PINX1: variants seen among roughly 807,000 people sequenced by gnomAD.
PINX1 encodes the protein PIN2 (TERF1) interacting telomerase inhibitor 1, also known as PIN2/TERF1-interacting telomerase inhibitor 1.
Under a neutral mutation model 25.4 loss-of-function variants are expected in PINX1, and 34 were observed. The observed-to-expected ratio is 1.34, with a 90% CI of 1.02 to 1.78. The LOEUF (loss-of-function observed/expected upper bound fraction) is 1.78. Among genes scored for constraint, PINX1 ranks in the 40% most tolerant of loss-of-function variants. PINX1 has a pLI of 0.00. For synonymous variants in PINX1, 197 were observed against 147.7 expected (o/e 1.33, Z -2.42); for missense variants, 592 against 404.9 (o/e 1.46, Z -3.97).
intron 6 of PINX1, among the ~76,000 whole-genome samples, chr8:10,796,112 G>C (rs148698655): frequency 6.6e-6 from 1 of 152,124 alleles, no homozygotes; most frequent in South Asian, 2.1e-4. Flanking sequence ...TAACGGGATG[G>C]GAGATTCTGA....
intron 6 of PINX1, among the ~76,000 whole-genome samples, chr8:10,805,021 C>A (rs1024060288): frequency 1.3e-5 from 2 of 151,842 alleles, no homozygotes; most frequent in Non-Finnish European, 2.9e-5. Flanking sequence ...TCAGCTCATT[C>A]CTCTTTTCTC....
Position 10,765,278 on chromosome 8 carries a change from G to C in PINX1, c.*123C>G. The C allele has an allele frequency of 1.1e-6, 1 of 872,620 alleles. No homozygotes were observed. Among genetic ancestry groups the C allele is most frequent in the Non-Finnish European group, 1.7e-6 (1 of 587,966 alleles). The allele number at this position is 872,620 out of a possible 1,614,324, so 54.1% of individuals were successfully genotyped here. On this transcript the variant is annotated 3_prime_UTR_variant, in exon 7 of 7. Coordinates refer to ENST00000314787, the MANE Select transcript of PINX1 (RefSeq NM_017884.6). ...GAGAGGGCAGGACTCGGCAGCCCAT[G>C]GGCATGCCACAAGATGCGCCCAGGC...
intron 6 of PINX1, among the ~76,000 whole-genome samples, chr8:10,801,447 C>G (rs1046361180): frequency 6.6e-6 from 1 of 152,210 alleles, no homozygotes; most frequent in Non-Finnish European, 1.5e-5. Context: ...ATCCACATTT[C>G]CCAAGTGAGG....
chr8:10,799,043 C>G (rs962746539), intron 6 of PINX1, among the ~76,000 whole-genome samples: 6 of 152,096 alleles, frequency 3.9e-5, no homozygotes, highest in Admixed American at 6.5e-5. Context: ...AGGTAAGAAC[C>G]CTTCCTACTT....
chr8:10,766,147 G>A (rs945480445), intron 6 of PINX1, among the ~76,000 whole-genome samples: 15 of 152,124 alleles, frequency 9.9e-5, no homozygotes, highest in Admixed American at 7.2e-4. Flanking sequence ...CACACACTCC[G>A]GCTGGGTACC....
At chr8:10,815,188 C>T (rs541952143) in intron 6 of PINX1, among the ~76,000 whole-genome samples, 7 of 152,278 alleles carry the variant, frequency 4.6e-5, no homozygotes, top group Non-Finnish European at 8.8e-5. Flanking sequence ...GCAATCCTCC[C>T]GCCTCGGCCT....
chr8:10,783,771 G>T (rs566550939), intron 6 of PINX1, among the ~76,000 whole-genome samples: 2 of 152,174 alleles, frequency 1.3e-5, no homozygotes, highest in African/African-American at 2.4e-5. Context: ...GGAAGAAAAT[G>T]ATTAAAGTAC....
intron 4 of PINX1, among the ~76,000 whole-genome samples, chr8:10,827,768 G>A (rs909455107): frequency 2.2e-4 from 34 of 151,568 alleles, no homozygotes; most frequent in African/African-American, 4.4e-4. Context: ...AAAATTAGCC[G>A]GGCGTGGTGG....
In PINX1 at chr8:10,839,651, G is replaced by A. The variant is rs548127496; in HGVS notation, c.19+87C>T. 244 of 1,397,536 alleles carry A rather than the reference G, an allele frequency of 1.7e-4. 2 individuals are homozygous for A. In the African/African-American group the frequency reaches 3.0e-3, roughly 17 times the overall value. 86.6% of individuals were successfully genotyped at this position (1,397,536 alleles called of 1,614,324 possible). ...CATGCGCCAGGCGCGCCGGCAACCC[G>A]AGCTCCCAGCCACTCCGGGCTGCCG... On this transcript the variant is annotated intron_variant, in intron 1 of 6. Coordinates refer to ENST00000314787, the MANE Select transcript of PINX1 (RefSeq NM_017884.6).
chr8:10,823,483 AG>A (rs1797938768), intron 5 of PINX1, among the ~76,000 whole-genome samples: 1 of 152,130 alleles, frequency 6.6e-6, no homozygotes, highest in East Asian at 1.9e-4. Flanking sequence ...TCCCCTCTGC[AG>A]ATATAGCCTC....
intron 6 of PINX1, among the ~76,000 whole-genome samples, chr8:10,779,301 A>T (rs56023918): frequency 0.16 from 24,131 of 152,258 alleles, 2,414 homozygotes; most frequent in Non-Finnish European, 0.23. Flanking sequence ...TAAATGTATA[A>T]AATAACGAAG....
chr8:10,808,829 C>G (rs918269853), intron 6 of PINX1, among the ~76,000 whole-genome samples: 1 of 152,186 alleles, frequency 6.6e-6, no homozygotes, highest in African/African-American at 2.4e-5. Context: ...TTTCTCATAT[C>G]TAAACTCCTA....
chr8:10,815,445 C>T (rs1797668785), intron 6 of PINX1, among the ~76,000 whole-genome samples: 1 of 152,186 alleles, frequency 6.6e-6, no homozygotes, highest in Non-Finnish European at 1.5e-5. Context: ...CACTACACAA[C>T]ACAAAGTTCA....
At chr8:10,827,766 C>G (rs929453002) in intron 4 of PINX1, among the ~76,000 whole-genome samples, 2 of 151,378 alleles carry the variant, frequency 1.3e-5, no homozygotes, top group African/African-American at 4.9e-5. Flanking sequence ...AAAAAATTAG[C>G]CGGGCGTGGT....
chr8:10,792,551 G>C (rs1301981797), intron 6 of PINX1, among the ~76,000 whole-genome samples: 2 of 152,122 alleles, frequency 1.3e-5, no homozygotes, highest in Non-Finnish European at 2.9e-5. Flanking sequence ...TCACTCAGGA[G>C]TGGTTCTGGG....
chr8:10,822,783 C>G lies in PINX1; in HGVS notation c.395-2514G>C, dbSNP rs531232977. Among the ~76,000 whole-genome samples, 4 of 152,232 alleles carry G rather than the reference C, an allele frequency of 2.6e-5. No homozygotes were observed. In the South Asian group the frequency reaches 8.3e-4, roughly 32 times the overall value. On this transcript the variant is annotated intron_variant, in intron 5 of 6. Coordinates refer to ENST00000314787, the MANE Select transcript of PINX1 (RefSeq NM_017884.6). Reference sequence around the variant, plus strand: ...TGTATTAGAACTGAGGCTCAAAAAACCAACTCTATGGAAAAGCAGAGTTGA... The same window carrying G: ...TGTATTAGAACTGAGGCTCAAAAAAGCAACTCTATGGAAAAGCAGAGTTGA...
chr8:10,830,534 A>C (rs1158616564), intron 4 of PINX1, among the ~76,000 whole-genome samples: 2 of 152,228 alleles, frequency 1.3e-5, no homozygotes, highest in African/African-American at 4.8e-5. Flanking sequence ...ACTCCACAAA[A>C]TTCTTTCAAT....
chr8:10,766,097 C>A (rs917063360), intron 6 of PINX1, among the ~76,000 whole-genome samples, 181 bp from the exon 7 acceptor site: 6 of 152,166 alleles, frequency 3.9e-5, no homozygotes, highest in Non-Finnish European at 8.8e-5. Context: ...GCCTCTCTCC[C>A]TTCTGGTCGG....
intron 6 of PINX1, among the ~76,000 whole-genome samples, chr8:10,812,271 G>A (rs905739909): frequency 6.6e-6 from 1 of 152,210 alleles, no homozygotes; most frequent in African/African-American, 2.4e-5. Flanking sequence ...TAAGAATCAA[G>A]AAGAATCCAA....
Sources: gnomAD v4.1 joint callset for allele counts (sites outside exome capture counted in the v4.1 genomes callset) on GRCh38, gnomAD v4.1.1 for gene constraint, MANE v1.5 for transcripts, NCBI Gene and HGNC (gene_info 2026-07-23, HGNC 2026-07-21) for gene names.